Variants in PTPRQ observed in about 807,000 individuals in gnomAD.
PTPRQ encodes the protein protein tyrosine phosphatase receptor type Q.
Under a neutral mutation model 246.0 loss-of-function variants are expected in PTPRQ, and 199 were observed. The ratio of observed to expected loss-of-function variants is 0.81; its 90% CI spans 0.72 to 0.91. The LOEUF (loss-of-function observed/expected upper bound fraction) is 0.91, where lower values mean the gene tolerates loss of function less well. Ranked by LOEUF, PTPRQ falls within the 40% of genes least tolerant of loss-of-function variation. The pLI is 0.00. For missense variants in PTPRQ, 2,624 were observed against 2,528.4 expected, an observed-to-expected ratio of 1.04 and a Z score of -0.81; for synonymous variants, 869 against 853.2, an observed-to-expected ratio of 1.02 and a Z score of -0.32.
At chr12:80,512,402 T>C (rs1197788795) in intron 17 of PTPRQ, among the ~76,000 whole-genome samples, 3 of 152,204 alleles carry the variant, frequency 2.0e-5, no homozygotes, top group South Asian at 2.1e-4. Context: ...CCAGTTTTTC[T>C]CTCTCTGGGT....
intron 30 of PTPRQ, among the ~76,000 whole-genome samples, chr12:80,617,393 GT>G (rs1367487334): frequency 2.6e-5 from 4 of 151,398 alleles, no homozygotes; most frequent in Non-Finnish European, 5.9e-5. Context: ...CTTTATAAGT[GT>G]TTGATTTAAA....
At chr12:80,558,410 T>G (rs1295888764) in intron 25 of PTPRQ, among the ~76,000 whole-genome samples, 1 of 149,870 alleles carries the variant, frequency 6.7e-6, no homozygotes, top group African/African-American at 2.4e-5. Flanking sequence ...TCAGGCAATG[T>G]GCCCACCTCG....
intron 25 of PTPRQ, among the ~76,000 whole-genome samples, chr12:80,554,753 T>TCAC (rs1210201660): frequency 2.0e-5 from 3 of 152,026 alleles, no homozygotes; most frequent in East Asian, 1.9e-4. Flanking sequence ...ATCATCATCA[T>TCAC]CATTTTAGAG....
At chr12:80,513,702 A>G (rs10862159) in intron 17 of PTPRQ, among the ~76,000 whole-genome samples, 53,493 of 151,906 alleles carry the variant, frequency 0.35, 11,756 homozygotes, top group African/African-American at 0.62. Flanking sequence ...TATCGTGAGA[A>G]ACGTCACCTG....
chr12:80,599,440 G>A (rs929277254), intron 26 of PTPRQ, among the ~76,000 whole-genome samples: 1 of 151,818 alleles, frequency 6.6e-6, no homozygotes, highest in Admixed American at 6.6e-5. Flanking sequence ...GACAAACAAA[G>A]CTCCCAAAGA....
In PTPRQ at chr12:80,619,444, T is replaced by G; in HGVS notation, c.5291T>G (p.Val1764Gly). Reference sequence around the variant, plus strand: ...TATGATGCCACAGGAAAACTGCTTGTGACTTCAACAACAATTACAATCAGA... The same window carrying G: ...TATGATGCCACAGGAAAACTGCTTGGGACTTCAACAACAATTACAATCAGA... ...PIYDATGKLL[V>G]TSTTITIRMP... Residue 1764 changes from valine to glycine, a missense_variant, in exon 31 of 45, where the codon GTG becomes GGG. Transcript: ENST00000644991. The G allele has an allele frequency of 3.2e-6, 5 of 1,548,520 alleles. No individual in the cohort carries two copies. The highest frequency in any genetic ancestry group is 4.4e-6 in the Non-Finnish European group (5 of 1,144,958).
At chr12:80,569,588 A>T (rs931909987) in intron 25 of PTPRQ, among the ~76,000 whole-genome samples, 10 of 152,080 alleles carry the variant, frequency 6.6e-5, no homozygotes, top group Non-Finnish European at 7.4e-5. Context: ...AACAAAAAAA[A>T]TTTGATTTTT....
chr12:80,669,297 A>G, intron 40 of PTPRQ, 42 bp from the exon 41 acceptor site: 1 of 1,543,450 alleles, frequency 6.5e-7, no homozygotes. Context: ...ATATATCAAT[A>G]TAACAATGAC....
intron 9 of PTPRQ, among the ~76,000 whole-genome samples, chr12:80,486,240 T>TTG (rs1894272070): frequency 6.6e-6 from 1 of 152,192 alleles, no homozygotes; most frequent in Non-Finnish European, 1.5e-5. Context: ...TTGTGACCTA[T>TTG]TGTGATCATT....
At chr12:80,669,592 TG>T in intron 41 of PTPRQ, 128 bp downstream of exon 41, 1 of 1,318,932 alleles carries the variant, frequency 7.6e-7, no homozygotes, top group Non-Finnish European at 1.0e-6. Context: ...GCTTTTGTAT[TG>T]TCTTCTGAAC....
At chr12:80,653,296 A>G (rs955174959) in intron 38 of PTPRQ, among the ~76,000 whole-genome samples, 3 of 152,230 alleles carry the variant, frequency 2.0e-5, no homozygotes, top group East Asian at 3.8e-4. Flanking sequence ...TTCATTTTAC[A>G]TATGAGGCAG....
intron 25 of PTPRQ, among the ~76,000 whole-genome samples, chr12:80,562,336 T>C (rs1473735907): frequency 1.3e-5 from 2 of 152,160 alleles, no homozygotes; most frequent in Non-Finnish European, 1.5e-5. Context: ...CTAAAACAGA[T>C]TGTGTGGAAA....
intron 14 of PTPRQ, among the ~76,000 whole-genome samples, chr12:80,497,006 C>A (rs1305894123): frequency 6.6e-6 from 1 of 151,692 alleles, no homozygotes; most frequent in Non-Finnish European, 1.5e-5. Context: ...TTGGAATGGG[C>A]AGAAGGATGT....
chr12:80,673,510 A>C (rs1238436566), intron 43 of PTPRQ, among the ~76,000 whole-genome samples: 1 of 152,092 alleles, frequency 6.6e-6, no homozygotes, highest in Admixed American at 6.6e-5. Context: ...ACCCTGCAGC[A>C]TTGTTACTGA....
chr12:80,572,925 G>A (rs750842476), intron 25 of PTPRQ, among the ~76,000 whole-genome samples: 1 of 152,102 alleles, frequency 6.6e-6, no homozygotes, highest in African/African-American at 2.4e-5. Flanking sequence ...TAAGATTGTT[G>A]TATTTTTGTT....
intron 25 of PTPRQ, among the ~76,000 whole-genome samples, chr12:80,557,410 G>A (rs1162552404): frequency 6.6e-6 from 1 of 150,792 alleles, no homozygotes; most frequent in Non-Finnish European, 1.5e-5. Context: ...GATTTTTCTT[G>A]GTTCAAACCT....
rs1476808957 is a variant in PTPRQ, at chr12:80,506,646, A to G, written c.2533A>G (p.Ile845Val). ...AGGTGAAGGAGTTCGGAGTGCTCCC[A>G]TAAGTATACTGACGGAGGAAGATGG... ...LKGEGVRSAP[I>V]SILTEEDAPD... The change falls in exon 16 of 45, where the codon ATA (isoleucine) becomes GTA (valine). Residue 845 changes from isoleucine (I) to valine (V), a missense_variant. Ile to Val is a conservative substitution (Grantham distance 29). Transcript: ENST00000644991. 2.6e-6 allele frequency: 4 copies of G among 1,543,534 alleles called. No individual in the cohort carries two copies. The highest frequency in any genetic ancestry group is 1.4e-5 in the African/African-American group (1 of 72,772).
rs1240384213 is a variant in PTPRQ, at chr12:80,469,818, C to G, written c.1039+980C>G. On this transcript the variant is annotated intron_variant, in intron 7 of 44. Transcript: ENST00000644991. ...TTCTGTCTGACATTATTGTTCAATACTTGGCTGAAGTACTCTTTCATTTGT... is the reference window on the plus strand; with the variant it reads ...TTCTGTCTGACATTATTGTTCAATAGTTGGCTGAAGTACTCTTTCATTTGT... 2.6e-5 allele frequency among the ~76,000 whole-genome samples: 4 copies of G among 152,208 alleles called. No individual in the cohort carries two copies. The East Asian group carries it at 7.7e-4, about 29-fold the overall frequency.
intron 33 of PTPRQ, among the ~76,000 whole-genome samples, chr12:80,622,391 G>A (rs1417251084): frequency 4.6e-5 from 7 of 151,864 alleles, no homozygotes. Flanking sequence ...TTCTCAGAGG[G>A]ATTTTATACC....
Sources: gnomAD v4.1 joint callset for allele counts (sites outside exome capture counted in the v4.1 genomes callset) on GRCh38, gnomAD v4.1.1 for gene constraint, MANE v1.5 for transcripts, NCBI Gene and HGNC (gene_info 2026-07-23, HGNC 2026-07-21) for gene names.